The following GMDS variants were observed in gnomAD, a reference collection of about 807,000 sequenced individuals.
GMDS encodes GDP-mannose 4,6-dehydratase.
Under a neutral mutation model 49.9 loss-of-function variants are expected in GMDS, and 20 were observed. That is an observed-to-expected ratio of 0.40 (90% confidence interval 0.28 to 0.58). The LOEUF (loss-of-function observed/expected upper bound fraction) is 0.58. Ranked by LOEUF, GMDS falls within the 20% of genes least tolerant of loss-of-function variation. The pLI, the probability that GMDS is intolerant of heterozygous loss-of-function variation, is 0.42. For missense variants in GMDS, 362 were observed against 481.4 expected (o/e 0.75, Z 2.32); for synonymous variants, 177 against 178.6 (o/e 0.99, Z 0.07).
At chr6:1,946,714 G>C (rs2127269550) in intron 6 of GMDS, among the ~76,000 whole-genome samples, 1 of 152,272 alleles carries the variant, frequency 6.6e-6, no homozygotes, top group African/African-American at 2.4e-5. Flanking sequence ...AGTGATCACA[G>C]GGCATGCTCA....
At chr6:1,659,726 G>A (rs1764004726) in intron 9 of GMDS, among the ~76,000 whole-genome samples, 1 of 152,104 alleles carries the variant, frequency 6.6e-6, no homozygotes, top group Admixed American at 6.5e-5. Flanking sequence ...CCCTGACCAT[G>A]TATCATAATA....
chr6:2,133,937 A>G lies in GMDS; in HGVS notation c.103-9206T>C, dbSNP rs139400440. On this transcript the variant is annotated intron_variant, in intron 1 of 10. Coordinates refer to ENST00000380815, the MANE Select transcript of GMDS (RefSeq NM_001500.4). ...GGGTGTGGTGACTGGGGATAGGCAC[A>G]CCTGGCAAAACTCCATTCTGTGGGC... 5.7e-3 allele frequency among the ~76,000 whole-genome samples: 864 copies of G among 152,354 alleles called. 2 individuals carry two copies. Among genetic ancestry groups the G allele is most frequent in the Middle Eastern group, 0.017 (5 of 294 alleles).
At chr6:1,986,187 A>G (rs1480761791) in intron 4 of GMDS, among the ~76,000 whole-genome samples, 1 of 152,210 alleles carries the variant, frequency 6.6e-6, no homozygotes, top group East Asian at 1.9e-4. Context: ...CTTAAAAACA[A>G]ATGAGAAAAG....
chr6:2,186,218 C>T (rs953052992), intron 1 of GMDS, among the ~76,000 whole-genome samples: 12 of 152,138 alleles, frequency 7.9e-5, no homozygotes, highest in African/African-American at 2.9e-4. Flanking sequence ...ATTTCCACAG[C>T]CTATGCGGAC....
intron 9 of GMDS, among the ~76,000 whole-genome samples, chr6:1,632,843 T>C (rs1345674392): frequency 2.0e-5 from 3 of 152,198 alleles, no homozygotes; most frequent in South Asian, 2.1e-4. Flanking sequence ...TACACCACTG[T>C]ACTCCAGCCT....
rs575533193 is a variant in GMDS, at chr6:1,728,930, T to G, written c.891-2418A>C. Among the ~76,000 whole-genome samples, 15 of 151,680 alleles carry G rather than the reference T, an allele frequency of 9.9e-5. No homozygotes were observed. In the East Asian group the frequency reaches 2.9e-3, roughly 29 times the overall value. On this transcript the variant is annotated intron_variant, in intron 8 of 10. Coordinates refer to ENST00000380815, the MANE Select transcript of GMDS (RefSeq NM_001500.4). ...CGCTTTAAGACTGTAAAACCTGTCC[T>G]TACCTCCAGGACAGTAAAAAAAAAA...
At chr6:2,222,937 C>T (rs1159764865) in intron 1 of GMDS, among the ~76,000 whole-genome samples, 1 of 152,068 alleles carries the variant, frequency 6.6e-6, no homozygotes, top group Non-Finnish European at 1.5e-5. Context: ...GCTTCATCCA[C>T]TCAAAGACAT....
intron 7 of GMDS, among the ~76,000 whole-genome samples, chr6:1,904,650 C>CCACT (rs1760666542): frequency 4.6e-5 from 7 of 152,216 alleles, no homozygotes; most frequent in African/African-American, 1.7e-4. Flanking sequence ...AACAGTGACT[C>CCACT]GCCGGCTCCC....
At chr6:2,074,460 G>C (rs1772203322) in intron 4 of GMDS, among the ~76,000 whole-genome samples, 1 of 152,182 alleles carries the variant, frequency 6.6e-6, no homozygotes, top group Non-Finnish European at 1.5e-5. Flanking sequence ...TCAATAGGTT[G>C]TTTCTTCATT....
chr6:2,117,600 A>G lies in GMDS; in HGVS notation c.148-44T>C, dbSNP rs1276332904. On this transcript the variant is annotated intron_variant, in intron 2 of 10. Coordinates refer to ENST00000380815, the MANE Select transcript of GMDS (RefSeq NM_001500.4). ...GAAAGATAAATGTGCAATGAGGACT[A>G]ATAAACAACTTCTTTAGCTAATGTT... 4 of 928,778 alleles carry G rather than the reference A, an allele frequency of 4.3e-6. No homozygotes were observed. The African/African-American group carries it at 6.5e-5, about 15-fold the overall frequency. The allele number at this position is 928,778 out of a possible 1,614,324, so 57.5% of individuals were successfully genotyped here.
intron 7 of GMDS, among the ~76,000 whole-genome samples, chr6:1,843,867 C>T (rs1002032157): frequency 6.6e-6 from 1 of 152,174 alleles, no homozygotes; most frequent in Non-Finnish European, 1.5e-5. Context: ...CTCCATCCCA[C>T]CAGGCCCCTC....
chr6:1,883,957 T>C (rs1380611022), intron 7 of GMDS, among the ~76,000 whole-genome samples: 1 of 152,212 alleles, frequency 6.6e-6, no homozygotes, highest in Non-Finnish European at 1.5e-5. Context: ...TAATCCCAGT[T>C]CATTTAGAAT....
At chr6:1,972,414 A>C (rs1764674970) in intron 4 of GMDS, among the ~76,000 whole-genome samples, 1 of 152,238 alleles carries the variant, frequency 6.6e-6, no homozygotes, top group Non-Finnish European at 1.5e-5. Context: ...TCTGTATAAG[A>C]AAATGGCACC....
intron 7 of GMDS, among the ~76,000 whole-genome samples, chr6:1,845,923 C>T (rs915701595): frequency 5.3e-5 from 8 of 151,888 alleles, no homozygotes; most frequent in African/African-American, 1.9e-4. Flanking sequence ...GGGACCCCTG[C>T]TGTTAAGTCC....
At chr6:1,626,742 A>G (rs764863139) in intron 9 of GMDS, among the ~76,000 whole-genome samples, 2 of 152,258 alleles carry the variant, frequency 1.3e-5, no homozygotes, top group Non-Finnish European at 2.9e-5. Context: ...TTTGGCTTCA[A>G]ATAATCTTGG....
At position 2,120,785 on chromosome 6, in the gene GMDS, T is replaced by C. The variant is rs187563555; in HGVS notation, c.148-3229A>G. Among the ~76,000 whole-genome samples, 7 of 152,300 alleles carry C rather than the reference T, an allele frequency of 4.6e-5. No homozygotes were observed. The East Asian group carries it at 5.8e-4, about 13-fold the overall frequency. ...TCTGTCAATCCTCCGTTTTCCCTTA[T>C]GACAGGAAGAAATGCAAACAGCTCC... On this transcript the variant is annotated intron_variant, in intron 2 of 10. Coordinates refer to ENST00000380815, the MANE Select transcript of GMDS (RefSeq NM_001500.4).
At chr6:1,807,555 C>T (rs577772225) in intron 7 of GMDS, among the ~76,000 whole-genome samples, 13 of 152,246 alleles carry the variant, frequency 8.5e-5, no homozygotes, top group Admixed American at 7.2e-4. Context: ...AATACCTATA[C>T]CATAAACTCA....
At chr6:1,828,422 A>G (rs1771219334) in intron 7 of GMDS, among the ~76,000 whole-genome samples, 1 of 152,212 alleles carries the variant, frequency 6.6e-6, no homozygotes, top group Admixed American at 6.5e-5. Flanking sequence ...GATGAAAAAC[A>G]TGACTCTACA....
chr6:2,051,889 C>T (rs563139481), intron 4 of GMDS, among the ~76,000 whole-genome samples: 3 of 152,008 alleles, frequency 2.0e-5, no homozygotes, highest in East Asian at 1.9e-4. Context: ...GAGGCCTAGG[C>T]GGGCAGATCA....
Sources: allele counts gnomAD v4.1 joint callset (sites outside exome capture counted in the v4.1 genomes callset), GRCh38; gene constraint gnomAD v4.1.1; transcripts MANE v1.5; gene names NCBI Gene and HGNC (gene_info 2026-07-23, HGNC 2026-07-21).